TTLL9: variants seen among roughly 807,000 people sequenced by gnomAD.
TTLL9 encodes the protein tubulin tyrosine ligase like 9.
Under a neutral mutation model 65.6 loss-of-function variants are expected in TTLL9, and 47 were observed. That is an observed-to-expected ratio of 0.72 (90% CI 0.57 to 0.91). The LOEUF (loss-of-function observed/expected upper bound fraction) is 0.91, where lower values mean the gene tolerates loss of function less well. Among genes scored for constraint, TTLL9 ranks in the 40% least tolerant of loss-of-function variants. The pLI is 0.00. For missense variants in TTLL9, 537 were observed against 568.8 expected (o/e 0.94, Z 0.57); for synonymous variants, 179 against 204.8 (o/e 0.87, Z 1.07).
chr20:31,892,048 G>A (rs552849210), intron 3 of TTLL9, among the ~76,000 whole-genome samples: 40 of 148,372 alleles, frequency 2.7e-4, no homozygotes, highest in East Asian at 4.3e-4. Context: ...GGTGATCCAC[G>A]CGCCTTGGCC....
chr20:31,904,350 C>CTTTTTTTTTTTTTTTT (rs71185374), intron 4 of TTLL9, among the ~76,000 whole-genome samples: 1 of 81,768 alleles, frequency 1.2e-5, no homozygotes, highest in Non-Finnish European at 2.3e-5. Context: ...TTTGATAATT[C>CTTTTTTTTTTTTTTTT]TTTTTTTTTT....
At chr20:31,899,872 C>T (rs143409253) in intron 4 of TTLL9, among the ~76,000 whole-genome samples, 1 of 152,006 alleles carries the variant, frequency 6.6e-6, no homozygotes, top group Non-Finnish European at 1.5e-5. Flanking sequence ...TCACGCCATT[C>T]TCCTGCCTCA....
chr20:31,890,057 TCTCTTTCTTTCTTGCTTTCTTG>T (rs1341562659), intron 3 of TTLL9, among the ~76,000 whole-genome samples: 9 of 117,416 alleles, frequency 7.7e-5, no homozygotes, highest in African/African-American at 3.3e-4. Context: ...TTTCTTTCTT[TCTCTTTCTTTCTTGCTTTCTTG>T]CTTTCTTGCT....
intron 8 of TTLL9, among the ~76,000 whole-genome samples, chr20:31,923,714 C>T (rs770843517): frequency 2.6e-5 from 4 of 152,166 alleles, no homozygotes; most frequent in Non-Finnish European, 4.4e-5. Flanking sequence ...GAACTGCAGG[C>T]ACATCAGGCA....
chr20:31,942,360 G>C (rs2064224897), intron 14 of TTLL9, among the ~76,000 whole-genome samples: 1 of 152,206 alleles, frequency 6.6e-6, no homozygotes. Context: ...AGCACGAACT[G>C]CCTGGGATTG....
chr20:31,942,869 C>A, intron 14 of TTLL9, 76 bp from the exon 15 acceptor site: 1 of 1,436,488 alleles, frequency 7.0e-7, no homozygotes. Context: ...CTCTTCCCAG[C>A]AGGGAGTTGG....
chr20:31,905,449 C>T (rs142290045), intron 4 of TTLL9, among the ~76,000 whole-genome samples: 1 of 152,202 alleles, frequency 6.6e-6, no homozygotes, highest in African/African-American at 2.4e-5. Context: ...GCCTGGGGCA[C>T]AGCCACAAGG....
At chr20:31,879,864 G>T in intron 2 of TTLL9, 1 of 1,550,364 alleles carries the variant, frequency 6.5e-7, no homozygotes, top group Non-Finnish European at 8.7e-7. Flanking sequence ...TTTGGATCTG[G>T]CCCCTGGGGA....
At chr20:31,883,353 A>T (rs754400818) in intron 2 of TTLL9, among the ~76,000 whole-genome samples, 1 of 152,076 alleles carries the variant, frequency 6.6e-6, no homozygotes, top group Non-Finnish European at 1.5e-5. Flanking sequence ...CCTCGCCACC[A>T]TGCCTGGCTA....
chr20:31,871,963 T>G (rs899234567), intron 2 of TTLL9, among the ~76,000 whole-genome samples: 1 of 148,026 alleles, frequency 6.8e-6, no homozygotes, highest in Non-Finnish European at 1.5e-5. Context: ...AAATGAGATA[T>G]TTTATATCCT....
At chr20:31,874,738 T>A (rs188623415) in intron 2 of TTLL9, among the ~76,000 whole-genome samples, 160 of 152,276 alleles carry the variant, frequency 1.1e-3, no homozygotes, top group African/African-American at 3.5e-3. Flanking sequence ...GAGATTATGA[T>A]GGATTATTCA....
chr20:31,880,132 G>A (rs2063095078), intron 2 of TTLL9, among the ~76,000 whole-genome samples: 1 of 152,156 alleles, frequency 6.6e-6, no homozygotes, highest in Non-Finnish European at 1.5e-5. Flanking sequence ...CCAAGCTGCT[G>A]CGCAAGTCCC....
chr20:31,910,210 C>T (rs2063626164), intron 6 of TTLL9, among the ~76,000 whole-genome samples: 1 of 152,184 alleles, frequency 6.6e-6, no homozygotes, highest in African/African-American at 2.4e-5. Flanking sequence ...ACCTGCGTTA[C>T]CCCAGTCCTC....
At chr20:31,940,638 T>C (rs996488185) in intron 14 of TTLL9, 2 of 152,212 alleles carry the variant, frequency 1.3e-5, no homozygotes, top group Admixed American at 1.3e-4. Context: ...GGGTCACTTA[T>C]AGGGCTGCAG....
intron 2 of TTLL9, among the ~76,000 whole-genome samples, chr20:31,877,029 C>A (rs1185821779): frequency 1.3e-5 from 2 of 152,114 alleles, no homozygotes; most frequent in East Asian, 3.8e-4. Context: ...CTATTTATAT[C>A]CTTTGCCCAT....
chr20:31,944,731 G>GT lies in TTLL9; in HGVS notation c.*1711dup, dbSNP rs1158539362. On this transcript the variant is annotated 3_prime_UTR_variant, in exon 15 of 15. Transcript: ENST00000535842. Reference sequence around the variant, plus strand: ...TATGTCTAGCTTCTCTTGAAAACACGTAAGAACTGGCCATGACAGCCTGTG... The same window carrying GT: ...TATGTCTAGCTTCTCTTGAAAACACGTTAAGAACTGGCCATGACAGCCTGTG... The GT allele has an allele frequency of 6.6e-6, 1 of 152,160 alleles. No individual in the cohort carries two copies. The highest frequency in any genetic ancestry group is 6.5e-5 in the Admixed American group (1 of 15,278). 9.4% of individuals were successfully genotyped at this position (152,160 alleles called of 1,614,324 possible). A position where few individuals can be genotyped will look rare whatever the true frequency, so the allele number is the denominator to read the frequency against.
rs147734613 is a variant in TTLL9, at chr20:31,906,249, G to A, written c.207-2342G>A. ...CTGGCTTGTCTCTGTGACATTGGGG[G>A]CATCAGCTGGGAAGAGTCCAGATCT... On this transcript the variant is annotated intron_variant, in intron 4 of 14. Coordinates refer to ENST00000535842, the MANE Select transcript of TTLL9 (RefSeq NM_001008409.5). Among the ~76,000 whole-genome samples the A allele has an allele frequency of 4.2e-3, 635 of 152,262 alleles. 6 individuals carry two copies. The highest frequency in any genetic ancestry group is 0.014 in the African/African-American group (599 of 41,542).
Position 31,909,933 on chromosome 20 carries a change from A to C in TTLL9, c.504+11A>C. 2.0e-6 allele frequency: 2 copies of C among 976,694 alleles called. No individual in the cohort carries two copies. The highest frequency in any genetic ancestry group is 3.1e-6 in the Non-Finnish European group (2 of 653,168). 60.5% of individuals were successfully genotyped at this position (976,694 alleles called of 1,614,324 possible). A position where few individuals can be genotyped will look rare whatever the true frequency, so the allele number is the denominator to read the frequency against. On this transcript the variant is annotated intron_variant, in intron 6 of 14. Coordinates refer to ENST00000535842, the MANE Select transcript of TTLL9 (RefSeq NM_001008409.5). ...TGGATCATGAAGCCTGTGAGTGCCC[A>C]GTGCCAGGGGCTGGGTGGGAGGGAA...
intron 8 of TTLL9, 48 bp downstream of exon 8, chr20:31,923,101 A>T: frequency 1.2e-5 from 17 of 1,441,098 alleles, no homozygotes; most frequent in Non-Finnish European, 1.7e-5. Flanking sequence ...TGGTCATCAA[A>T]CAGTCAGTCA....
Sources: allele counts gnomAD v4.1 joint callset (sites outside exome capture counted in the v4.1 genomes callset), GRCh38; gene constraint gnomAD v4.1.1; transcripts MANE v1.5; gene names NCBI Gene and HGNC (gene_info 2026-07-23, HGNC 2026-07-21).